CRYBA4: variants seen among roughly 807,000 people sequenced by gnomAD.
CRYBA4 encodes beta-crystallin A4.
A neutral mutation model predicts 31.7 loss-of-function variants in CRYBA4; 30 were observed. That is an observed-to-expected ratio of 0.95 (90% CI 0.71 to 1.28). The LOEUF is 1.28. Among genes scored for constraint, CRYBA4 ranks in the 50% most tolerant of loss-of-function variants. The pLI, the probability that CRYBA4 is intolerant of heterozygous loss-of-function variation, is 0.00. For synonymous variants in CRYBA4, 102 were observed against 102.3 expected (o/e 1.00, Z 0.02); for missense variants, 225 against 260.7 (o/e 0.86, Z 0.94).
chr22:26,627,318 T>C (rs1929729343), intron 4 of CRYBA4, among the ~76,000 whole-genome samples: 1 of 148,262 alleles, frequency 6.7e-6, no homozygotes, highest in Admixed American at 6.8e-5. Flanking sequence ...TTTTTTCTTT[T>C]CTTTTCTTTT....
the CRYBA4 span, among the ~76,000 whole-genome samples, chr22:26,608,521 A>G: frequency 1.3e-5 from 2 of 152,314 alleles, no homozygotes; most frequent in South Asian, 2.1e-4. Flanking sequence ...CCAGCAGACA[A>G]TGGTGTAATA....
the CRYBA4 span, chr22:26,601,783 T>A: frequency 6.3e-7 from 1 of 1,588,548 alleles, no homozygotes; most frequent in Non-Finnish European, 8.5e-7. Context: ...CATGGCCTTC[T>A]CTAGGAATCT....
At chr22:26,593,895 A>G in the CRYBA4 span, among the ~76,000 whole-genome samples, 1 of 152,098 alleles carries the variant, frequency 6.6e-6, no homozygotes, top group African/African-American at 2.4e-5. Flanking sequence ...CAAGCTGATC[A>G]TTTACCCTCT....
chr22:26,601,714 A>T, the CRYBA4 span, among the ~76,000 whole-genome samples: 2 of 151,346 alleles, frequency 1.3e-5, no homozygotes, highest in Non-Finnish European at 2.9e-5. Flanking sequence ...TATTCCCCAG[A>T]GGAATAGAGC....
At chr22:26,626,418 C>CA (rs201961763) in intron 4 of CRYBA4, among the ~76,000 whole-genome samples, 2 of 151,888 alleles carry the variant, frequency 1.3e-5, no homozygotes, top group East Asian at 1.9e-4. Context: ...CAAAACAAAA[C>CA]AAAAAAACAA....
At chr22:26,612,072 G>C in the CRYBA4 span, 12 of 1,607,672 alleles carry the variant, frequency 7.5e-6, no homozygotes, top group Non-Finnish European at 1.0e-5. Context: ...CAGTACTCAC[G>C]GTCCCGCGGA....
the CRYBA4 span, among the ~76,000 whole-genome samples, chr22:26,603,751 A>AAAT: frequency 6.3e-4 from 95 of 149,822 alleles, no homozygotes; most frequent in Middle Eastern, 3.4e-3. Flanking sequence ...TAAAAATACA[A>AAAT]AATAATAATA....
intron 5 of CRYBA4, 29 bp from the exon 6 acceptor site, chr22:26,630,311 A>G (rs766058254): frequency 1.2e-6 from 2 of 1,613,860 alleles, no homozygotes; most frequent in Non-Finnish European, 8.5e-7. Context: ...GTCTCTGTAG[A>G]GTAACTGTCT....
chr22:26,601,735 G>A, the CRYBA4 span: 4 of 1,379,502 alleles, frequency 2.9e-6, no homozygotes, highest in Non-Finnish European at 3.0e-6. Context: ...TCTGTTGGCT[G>A]ATCCCAGGAA....
Position 26,628,439 on chromosome 22 carries a change from A to C in CRYBA4, c.443+9A>C. ...CACGTCCACTCTGGGGCGTAAGTGT[A>C]TTCAAGGCTCTACCTGGCAGGGGAG... is the stretch of plus-strand genomic sequence containing the variant. On this transcript the variant is annotated intron_variant, in intron 5 of 5. Coordinates refer to ENST00000354760, the MANE Select transcript of CRYBA4 (RefSeq NM_001886.3). 3.7e-6 allele frequency: 6 copies of C among 1,613,716 alleles called. No homozygotes were observed. Among genetic ancestry groups the C allele is most frequent in the Non-Finnish European group, 5.1e-6 (6 of 1,179,718 alleles).
upstream of CRYBA4, among the ~76,000 whole-genome samples, chr22:26,620,556 CTTTTTTTTTTT>C (rs60318967): frequency 1.1e-5 from 1 of 88,510 alleles, no homozygotes; most frequent in Non-Finnish European, 2.1e-5. Flanking sequence ...TCATGCATTC[CTTTTTTTTTTT>C]TTTTTTTTTT....
chr22:26,621,508 G>A (rs916580547), upstream of CRYBA4, among the ~76,000 whole-genome samples: 2 of 152,192 alleles, frequency 1.3e-5, no homozygotes, highest in South Asian at 2.1e-4. Context: ...AAGAGAAAGG[G>A]GAAAGAGAGA....
At position 26,630,556 on chromosome 22, in the gene CRYBA4, T is replaced by C; in HGVS notation, c.*69T>C. 7.2e-7 allele frequency: 1 copy of C among 1,381,200 alleles called. No homozygotes were observed. 85.6% of individuals were successfully genotyped at this position (1,381,200 alleles called of 1,614,324 possible). A position where few individuals can be genotyped will look rare whatever the true frequency, so the allele number is the denominator to read the frequency against. On this transcript the variant is annotated 3_prime_UTR_variant, in exon 6 of 6. Transcript: ENST00000354760. ...TGGAGGCGCTCTGGAGGCTGTGGTG[T>C]GTTCTCTCCTTCTGCCTCCCCCTGT...
At chr22:26,599,469 G>A in the CRYBA4 span, 13 of 1,600,586 alleles carry the variant, frequency 8.1e-6, no homozygotes, top group South Asian at 1.4e-4. Context: ...TTGGGGCAAG[G>A]TAGCAGAGTG....
At chr22:26,592,122 G>A in the CRYBA4 span, among the ~76,000 whole-genome samples, 1 of 152,138 alleles carries the variant, frequency 6.6e-6, no homozygotes, top group Non-Finnish European at 1.5e-5. Flanking sequence ...ACATTACATA[G>A]TGTTTATTGC....
At chr22:26,606,416 C>T in the CRYBA4 span, among the ~76,000 whole-genome samples, 1 of 152,130 alleles carries the variant, frequency 6.6e-6, no homozygotes, top group Non-Finnish European at 1.5e-5. Flanking sequence ...GTATTTTACA[C>T]TTATGACACA....
upstream of CRYBA4, among the ~76,000 whole-genome samples, chr22:26,618,881 G>A (rs888795601): frequency 5.9e-5 from 9 of 152,080 alleles, no homozygotes; most frequent in South Asian, 4.1e-4. Context: ...CTGACCTATC[G>A]ACAGTGATCC....
chr22:26,594,396 G>A, the CRYBA4 span, among the ~76,000 whole-genome samples: 14 of 152,154 alleles, frequency 9.2e-5, no homozygotes, highest in East Asian at 1.3e-3. Context: ...CACTGCCGGC[G>A]TTGGGCTTAT....
chr22:26,624,308 C>T (rs972794670), intron 3 of CRYBA4, among the ~76,000 whole-genome samples: 1 of 151,998 alleles, frequency 6.6e-6, no homozygotes. Flanking sequence ...GAGATGTGGC[C>T]AGTAGCTTCC....
Sources: allele counts gnomAD v4.1 joint callset (sites outside exome capture counted in the v4.1 genomes callset), GRCh38; gene constraint gnomAD v4.1.1; transcripts MANE v1.5; gene names NCBI Gene and HGNC (gene_info 2026-07-23, HGNC 2026-07-21).